Variants in DOCK2 observed in about 807,000 individuals in gnomAD.
DOCK2 encodes dedicator of cytokinesis 2.
DOCK2 carries 87 observed loss-of-function variants against 248.9 expected under a neutral mutation model. The observed-to-expected ratio is 0.35, with a 90% confidence interval of 0.29 to 0.42. The LOEUF is 0.42. DOCK2 is among the 10% of genes least tolerant of loss of function. The pLI is 1.00. For synonymous variants in DOCK2, 805 were observed against 821.6 expected (o/e 0.98, Z 0.35); for missense variants, 1,747 against 2,300.2 (o/e 0.76, Z 4.92).
intron 47 of DOCK2, 72 bp downstream of exon 47, chr5:170,076,156 A>C: frequency 1.3e-6 from 2 of 1,559,876 alleles, no homozygotes; most frequent in Non-Finnish European, 1.7e-6. Context: ...CTGGAGGCTG[A>C]AGTTGGAGGG....
chr5:169,950,098 T>C (rs1310320987), intron 27 of DOCK2, among the ~76,000 whole-genome samples: 3 of 152,156 alleles, frequency 2.0e-5, no homozygotes, highest in Non-Finnish European at 4.4e-5. Context: ...GGCACCATTC[T>C]CAGTAGATGG....
intron 26 of DOCK2, among the ~76,000 whole-genome samples, chr5:169,828,866 TG>T (rs1163997850): frequency 2.0e-5 from 3 of 152,228 alleles, no homozygotes; most frequent in Non-Finnish European, 4.4e-5. Flanking sequence ...GACAGGTACT[TG>T]TGCTAGGTGT....
intron 23 of DOCK2, among the ~76,000 whole-genome samples, chr5:169,749,829 G>A (rs895333212): frequency 4.6e-5 from 7 of 152,298 alleles, no homozygotes; most frequent in African/African-American, 1.7e-4. Flanking sequence ...AACAAAAAAT[G>A]TATTCCTCAT....
intron 25 of DOCK2, among the ~76,000 whole-genome samples, chr5:169,761,961 G>C (rs1436690429): frequency 6.6e-6 from 1 of 152,174 alleles, no homozygotes; most frequent in Non-Finnish European, 1.5e-5. Flanking sequence ...CTTTCACGGG[G>C]AAGTTCTCAA....
At chr5:169,808,009 C>T (rs1363111554) in intron 26 of DOCK2, among the ~76,000 whole-genome samples, 1 of 152,014 alleles carries the variant, frequency 6.6e-6, no homozygotes, top group Non-Finnish European at 1.5e-5. Flanking sequence ...GTAGAATGTG[C>T]TGTTTGCTTT....
chr5:170,030,147 T>C (rs1476021784), intron 34 of DOCK2, among the ~76,000 whole-genome samples: 5 of 152,226 alleles, frequency 3.3e-5, no homozygotes, highest in Non-Finnish European at 7.3e-5. Flanking sequence ...CAATTTCCAT[T>C]TTTATAAGCG....
chr5:169,814,590 G>A (rs972855185), intron 26 of DOCK2, among the ~76,000 whole-genome samples: 24 of 152,202 alleles, frequency 1.6e-4, no homozygotes, highest in Admixed American at 1.5e-3. Flanking sequence ...GGTAATGTAA[G>A]AGGTTAACAT....
intron 33 of DOCK2, among the ~76,000 whole-genome samples, chr5:170,025,054 C>A (rs146640789): frequency 3.9e-4 from 59 of 152,368 alleles, no homozygotes; most frequent in African/African-American, 1.3e-3. Context: ...TCTCCCCCTG[C>A]GCTGCTTTCT....
chr5:170,031,526 G>A (rs111660415), intron 34 of DOCK2, among the ~76,000 whole-genome samples: 4 of 152,330 alleles, frequency 2.6e-5, no homozygotes, highest in African/African-American at 9.6e-5. Context: ...GTCATACTCT[G>A]TTGTGGGATT....
chr5:170,054,974 A>C (rs1015761391), intron 41 of DOCK2, among the ~76,000 whole-genome samples: 3 of 152,236 alleles, frequency 2.0e-5, no homozygotes, highest in Admixed American at 2.0e-4. Flanking sequence ...TCATGGGAAG[A>C]TGTACTCTGC....
intron 35 of DOCK2, among the ~76,000 whole-genome samples, chr5:170,036,197 C>T (rs936662300): frequency 4.6e-5 from 7 of 151,262 alleles, no homozygotes; most frequent in African/African-American, 1.2e-4. Flanking sequence ...TTAAAGTAGA[C>T]TACCCCAGTC....
intron 27 of DOCK2, among the ~76,000 whole-genome samples, chr5:169,968,856 G>T (rs974529455): frequency 6.6e-6 from 1 of 152,102 alleles, no homozygotes; most frequent in Non-Finnish European, 1.5e-5. Flanking sequence ...AAGGCTTCCC[G>T]GGAGAAGAAA....
At chr5:169,894,636 G>A (rs1302449034) in intron 27 of DOCK2, among the ~76,000 whole-genome samples, 5 of 152,184 alleles carry the variant, frequency 3.3e-5, no homozygotes, top group South Asian at 4.1e-4. Flanking sequence ...TTGCAAAAGC[G>A]CATGACTGCA....
chr5:170,003,297 T>G (rs1754906508), intron 30 of DOCK2, among the ~76,000 whole-genome samples: 1 of 152,186 alleles, frequency 6.6e-6, no homozygotes, highest in South Asian at 2.1e-4. Context: ...AAAGGTCAAG[T>G]CACTAGCCAA....
intron 26 of DOCK2, among the ~76,000 whole-genome samples, chr5:169,835,502 G>A (rs186057347): frequency 3.0e-4 from 46 of 152,142 alleles, no homozygotes; most frequent in Admixed American, 2.8e-3. Flanking sequence ...TGATCTGCCC[G>A]CCTCAGCCTC....
chr5:169,774,678 G>A (rs1252964837), intron 25 of DOCK2, among the ~76,000 whole-genome samples: 2 of 152,200 alleles, frequency 1.3e-5, no homozygotes, highest in African/African-American at 4.8e-5. Flanking sequence ...AAGGGGCAGG[G>A]TCATAGTTAT....
intron 30 of DOCK2, among the ~76,000 whole-genome samples, chr5:169,997,772 C>T (rs192217023): frequency 2.6e-4 from 39 of 152,086 alleles, no homozygotes; most frequent in Non-Finnish European, 4.6e-4. Context: ...AATGGAGTCT[C>T]CTATGTCTAC....
intron 40 of DOCK2, 56 bp from the exon 41 acceptor site, chr5:170,050,200 G>T: frequency 1.3e-6 from 2 of 1,593,672 alleles, no homozygotes; most frequent in East Asian, 2.2e-5. Flanking sequence ...GCTTTGCTTG[G>T]CCCCTTTCTT....
intron 25 of DOCK2, among the ~76,000 whole-genome samples, chr5:169,789,740 A>G (rs1198484418): frequency 6.6e-6 from 1 of 152,214 alleles, no homozygotes; most frequent in African/African-American, 2.4e-5. Context: ...TCTTTTTCAC[A>G]AGTGAAGAAA....
Sources: gnomAD v4.1 joint callset for allele counts (sites outside exome capture counted in the v4.1 genomes callset) on GRCh38, gnomAD v4.1.1 for gene constraint, MANE v1.5 for transcripts, NCBI Gene and HGNC (gene_info 2026-07-23, HGNC 2026-07-21) for gene names.